Variants in CFAP54 observed in about 807,000 individuals in gnomAD.
The protein encoded by CFAP54 is cilia and flagella associated protein 54.
CFAP54 carries 290 observed loss-of-function variants against 370.4 expected under a neutral mutation model. The observed-to-expected ratio is 0.78, with a 90% CI of 0.71 to 0.86. The LOEUF is 0.86. Ranked by LOEUF, CFAP54 falls within the 40% of genes least tolerant of loss-of-function variation. CFAP54 has a pLI of 0.00. For synonymous variants in CFAP54, 1,206 were observed against 1,236.5 expected, an observed-to-expected ratio of 0.98 and a Z score of 0.52; for missense variants, 3,399 against 3,528.7, an observed-to-expected ratio of 0.96 and a Z score of 0.93.
chr12:96,654,792 A>G (rs1000191852), intron 36 of CFAP54, among the ~76,000 whole-genome samples: 7 of 142,394 alleles, frequency 4.9e-5, no homozygotes, highest in Non-Finnish European at 9.3e-5. Flanking sequence ...AAGTGAGAGC[A>G]TACAATATTT....
At chr12:96,653,008 AAGAACTTCC>A (rs554063152) in intron 36 of CFAP54, among the ~76,000 whole-genome samples, 35 of 152,332 alleles carry the variant, frequency 2.3e-4, no homozygotes, top group Middle Eastern at 3.4e-3. Flanking sequence ...CCAAAGCTTG[AAGAACTTCC>A]TGGTTGATAA....
rs1472977812 is a variant in CFAP54 at position 96,621,756 on chromosome 12, T to G, written c.3771+35T>G. 2.0e-6 allele frequency: 3 copies of G among 1,489,714 alleles called. No individual in the cohort carries two copies. In the East Asian group the frequency reaches 7.5e-5, roughly 37 times the overall value. The allele number at this position is 1,489,714 out of a possible 1,614,324, so 92.3% of individuals were successfully genotyped here. A position where few individuals can be genotyped will look rare whatever the true frequency, so the allele number is the denominator to read the frequency against. On this transcript the variant is annotated intron_variant, in intron 27 of 67. Coordinates refer to ENST00000524981, the MANE Select transcript of CFAP54 (RefSeq NM_001306084.2). ...TTTGTTTCTCATTTTTAAACCTACG[T>G]TTAGTTTGCATCTTTTAGGGGTAAT...
At chr12:96,837,644 A>G (rs908764322) in intron 66 of CFAP54, among the ~76,000 whole-genome samples, 2 of 152,228 alleles carry the variant, frequency 1.3e-5, no homozygotes, top group Admixed American at 1.3e-4. Context: ...TGTTAAATGC[A>G]GGAATGACTC....
At chr12:96,783,653 G>A (rs1178080065) in intron 60 of CFAP54, among the ~76,000 whole-genome samples, 1 of 152,212 alleles carries the variant, frequency 6.6e-6, no homozygotes, top group Non-Finnish European at 1.5e-5. Context: ...TTGGAAGGCC[G>A]AGGCAGGTGA....
At position 96,625,734 on chromosome 12, in the gene CFAP54, C is replaced by G; in HGVS notation, c.3903C>G (p.Leu1301=). The part of the protein sequence containing the change: ...KLTKQYVTSE[L]SGGEDPIFLY... ...TAACCTTAGATGTTACATCTGAACT[C>G]TCAGGAGGAGAGGACCCTATATTTC... Residue 1301 remains leucine, a synonymous_variant, in exon 29 of 68, where the codon CTC becomes CTG. Transcript: ENST00000524981. The G allele has an allele frequency of 6.5e-7, 1 of 1,535,262 alleles. No homozygotes were observed.
chr12:96,702,071 G>A (rs1402346068), intron 46 of CFAP54, among the ~76,000 whole-genome samples: 2 of 152,156 alleles, frequency 1.3e-5, no homozygotes, highest in Middle Eastern at 3.2e-3. Context: ...TTCTGGGTGT[G>A]TTGTGAAGGT....
chr12:96,851,286 T>G (rs1959538158), intron 66 of CFAP54, among the ~76,000 whole-genome samples: 1 of 152,118 alleles, frequency 6.6e-6, no homozygotes, highest in Non-Finnish European at 1.5e-5. Context: ...AGGTAGTGGC[T>G]TTTTAATTTT....
intron 6 of CFAP54, among the ~76,000 whole-genome samples, chr12:96,519,587 TC>T (rs1955280565): frequency 6.6e-6 from 1 of 152,224 alleles, no homozygotes; most frequent in South Asian, 2.1e-4. Flanking sequence ...TATTCTCTAT[TC>T]ATTTTCACCT....
chr12:96,654,315 C>T (rs1251960876), intron 36 of CFAP54, among the ~76,000 whole-genome samples: 1 of 152,078 alleles, frequency 6.6e-6, no homozygotes, highest in African/African-American at 2.4e-5. Context: ...TCCTGGCTAA[C>T]TCGGTGAAAC....
intron 47 of CFAP54, among the ~76,000 whole-genome samples, chr12:96,705,201 G>T (rs1957534896): frequency 6.6e-6 from 1 of 151,826 alleles, no homozygotes; most frequent in African/African-American, 2.4e-5. Context: ...TATACACATG[G>T]TTTTTATTTT....
chr12:96,792,332 T>C lies in CFAP54; in HGVS notation c.8683T>C (p.Tyr2895His). The C allele has an allele frequency of 1.3e-6, 2 of 1,507,832 alleles. No homozygotes were observed. Among genetic ancestry groups the C allele is most frequent in the Non-Finnish European group, 1.8e-6 (2 of 1,133,590 alleles). 93.4% of individuals were successfully genotyped at this position (1,507,832 alleles called of 1,614,324 possible). The change falls in exon 63 of 68, where the codon TAT becomes CAT. Residue 2895 changes from tyrosine (Y) to histidine (H), a missense_variant. Tyr to His is a moderately conservative substitution (Grantham distance 83). Around this residue, in one of 3 missense-constraint regions of CFAP54, gnomAD observed 2,796 missense variants for 2,869.7 expected, o/e 0.97. Transcript: ENST00000524981. ...GATGTTTTTGTTTGTTCCCTAGTTG[T>C]ATCGCGATAGTTCTGTACAATCCAT... ...KDLRESSAKL[Y>H]RDSSVQSILS...
chr12:96,753,728 C>G lies in CFAP54; in HGVS notation c.7685-15C>G. The G allele has an allele frequency of 1.2e-5, 20 of 1,609,832 alleles. No individual in the cohort carries two copies. Among genetic ancestry groups the G allele is most frequent in the Non-Finnish European group, 1.7e-5 (20 of 1,177,438 alleles). On this transcript the variant is annotated splice_polypyrimidine_tract_variant and intron_variant, in intron 55 of 67. Transcript: ENST00000524981. ...TATTTTTTTGTTCTTCCCCACCGAACTGTTTTTCTTTTAGGACATACAGTG... is the reference window on the plus strand; with the variant it reads ...TATTTTTTTGTTCTTCCCCACCGAAGTGTTTTTCTTTTAGGACATACAGTG...
At chr12:96,580,069 A>G (rs1956016956) in intron 20 of CFAP54, among the ~76,000 whole-genome samples, 1 of 151,494 alleles carries the variant, frequency 6.6e-6, no homozygotes, top group South Asian at 2.1e-4. Context: ...TTTATATTTT[A>G]TTTAAAATAA....
rs144056879 is a variant in CFAP54 at position 96,795,504 on chromosome 12, G to A, written c.8850+3005G>A. Among the ~76,000 whole-genome samples, 422 of 151,936 alleles carry A rather than the reference G, an allele frequency of 2.8e-3. 2 individuals carry two copies. The highest frequency in any genetic ancestry group is 9.3e-3 in the African/African-American group (387 of 41,418). On this transcript the variant is annotated intron_variant, in intron 63 of 67. Transcript: ENST00000524981. ...GTGGTTCTCAGGTGGATAGAGTTAC[G>A]TTCTCGGGGAGATTATGGCTGCCTC...
intron 11 of CFAP54, among the ~76,000 whole-genome samples, chr12:96,535,052 G>GTGTGTGTGTTTA (rs1491302214): frequency 7.8e-6 from 1 of 128,922 alleles, no homozygotes; most frequent in African/African-American, 2.9e-5. Context: ...GTGTGTGTGT[G>GTGTGTGTGTTTA]TTTATTTATT....
At chr12:96,866,075 T>G (rs1408561090) in intron 67 of CFAP54, among the ~76,000 whole-genome samples, 1 of 152,122 alleles carries the variant, frequency 6.6e-6, no homozygotes, top group Admixed American at 6.5e-5. Context: ...ATGACTGTTA[T>G]GCAAAATGAG....
chr12:96,654,455 C>A (rs1338457121), intron 36 of CFAP54, among the ~76,000 whole-genome samples: 2 of 151,232 alleles, frequency 1.3e-5, no homozygotes, highest in Non-Finnish European at 3.0e-5. Context: ...GAGCCGAGAT[C>A]CCGCCGCTGC....
chr12:96,713,370 C>T (rs1469558030), intron 48 of CFAP54, among the ~76,000 whole-genome samples: 1 of 151,842 alleles, frequency 6.6e-6, no homozygotes, highest in Admixed American at 6.6e-5. Flanking sequence ...GAATGAACTC[C>T]TGTCATTTGT....
At chr12:96,869,234 G>T (rs1237454118) in intron 67 of CFAP54, among the ~76,000 whole-genome samples, 1 of 150,960 alleles carries the variant, frequency 6.6e-6, no homozygotes, top group Non-Finnish European at 1.5e-5. Flanking sequence ...AAAATAATGT[G>T]TTTTTTTTTC....
Sources: gnomAD v4.1 joint callset for allele counts (sites outside exome capture counted in the v4.1 genomes callset) on GRCh38, gnomAD v4.1.1 for gene constraint, gnomAD v4.1.1 regional missense constraint, MANE v1.5 for transcripts, NCBI Gene and HGNC (gene_info 2026-07-23, HGNC 2026-07-21) for gene names.